PCSK5: variants seen among roughly 807,000 people sequenced by gnomAD.
PCSK5 encodes the protein prohormone convertase 5.
In PCSK5, 129 loss-of-function variants were observed where a neutral mutation model predicts 233.2. The ratio of observed to expected loss-of-function variants is 0.55; its 90% CI spans 0.48 to 0.64. The LOEUF (loss-of-function observed/expected upper bound fraction) is 0.64, where lower values mean the gene tolerates loss of function less well. Among genes scored for constraint, PCSK5 ranks in the 30% least tolerant of loss-of-function variants. The pLI, the probability that PCSK5 is intolerant of heterozygous loss-of-function variation, is 0.00. For missense variants in PCSK5, 2,076 were observed against 2,430.1 expected (o/e 0.85, Z 3.06); for synonymous variants, 825 against 879.2 (o/e 0.94, Z 1.09).
At chr9:76,130,685 G>A (rs922266945) in intron 9 of PCSK5, among the ~76,000 whole-genome samples, 4 of 152,088 alleles carry the variant, frequency 2.6e-5, no homozygotes, top group African/African-American at 4.8e-5. Flanking sequence ...CAGAACTCCC[G>A]AGAAAGTCAT....
rs529022052 is a variant in PCSK5, at chr9:75,991,442, G to A, written c.411+5197G>A. 2.6e-4 allele frequency among the ~76,000 whole-genome samples: 40 copies of A among 152,304 alleles called. No homozygotes were observed. In the East Asian group the frequency reaches 7.7e-3, roughly 29 times the overall value. On this transcript the variant is annotated intron_variant, in intron 3 of 37. Coordinates refer to ENST00000674117, the MANE Select transcript of PCSK5 (RefSeq NM_001372043.1). ...CCTCCCCAGTTATCAGATGGGGAAA[G>A]AAAGGCTTTTAAACTTATGGGGCAT...
chr9:76,168,912 G>A (rs554197051), intron 12 of PCSK5, among the ~76,000 whole-genome samples: 80 of 152,136 alleles, frequency 5.3e-4, no homozygotes, highest in Non-Finnish European at 3.5e-4. Context: ...GTTTCTTTAC[G>A]TATAATTTTG....
At chr9:75,953,325 G>A (rs1824948926) in intron 2 of PCSK5, among the ~76,000 whole-genome samples, 1 of 152,158 alleles carries the variant, frequency 6.6e-6, no homozygotes, top group African/African-American at 2.4e-5. Context: ...AGATAGGGAG[G>A]AGGGGAGGGC....
At chr9:76,226,119 A>G (rs952137326) in intron 20 of PCSK5, among the ~76,000 whole-genome samples, 3 of 152,202 alleles carry the variant, frequency 2.0e-5, no homozygotes, top group African/African-American at 7.2e-5. Context: ...GAGGAGACAT[A>G]GAGGAACAGA....
At chr9:75,910,115 A>G (rs1269197212) in intron 1 of PCSK5, among the ~76,000 whole-genome samples, 1 of 152,256 alleles carries the variant, frequency 6.6e-6, no homozygotes, top group Non-Finnish European at 1.5e-5. Flanking sequence ...ACTGAGACTC[A>G]TGGGATCAGT....
chr9:75,994,071 A>T (rs986634710), intron 3 of PCSK5, among the ~76,000 whole-genome samples: 2 of 152,202 alleles, frequency 1.3e-5, no homozygotes, highest in Non-Finnish European at 2.9e-5. Context: ...AACCTTGCAC[A>T]CAGGATTTTC....
chr9:76,342,441 C>T (rs1829860251), intron 35 of PCSK5, among the ~76,000 whole-genome samples: 1 of 152,044 alleles, frequency 6.6e-6, no homozygotes, highest in African/African-American at 2.4e-5. Flanking sequence ...GATATAGAAA[C>T]ACCAAGAATT....
intron 7 of PCSK5, among the ~76,000 whole-genome samples, chr9:76,093,582 T>TATATACAC (rs375899150): frequency 6.7e-6 from 1 of 149,846 alleles, no homozygotes; most frequent in African/African-American, 2.5e-5. Context: ...TATATATATA[T>TATATACAC]ACACACACAC....
At chr9:76,163,817 A>G (rs1822971628) in intron 12 of PCSK5, among the ~76,000 whole-genome samples, 1 of 148,412 alleles carries the variant, frequency 6.7e-6, no homozygotes. Flanking sequence ...ATCCCAGCAG[A>G]TTCTTTCTTC....
chr9:75,894,344 C>T (rs1825726184), intron 1 of PCSK5, among the ~76,000 whole-genome samples: 1 of 151,842 alleles, frequency 6.6e-6, no homozygotes, highest in African/African-American at 2.4e-5. Flanking sequence ...GATTTCTGGC[C>T]AGGGCATTTC....
At chr9:76,337,324 T>C (rs1021163325) in intron 34 of PCSK5, among the ~76,000 whole-genome samples, 1 of 150,808 alleles carries the variant, frequency 6.6e-6, no homozygotes, top group Non-Finnish European at 1.5e-5. Context: ...CTGGCTACTT[T>C]TGTTTGTTTG....
chr9:75,951,330 A>G (rs1160802806), intron 2 of PCSK5, among the ~76,000 whole-genome samples: 1 of 152,236 alleles, frequency 6.6e-6, no homozygotes, highest in African/African-American at 2.4e-5. Flanking sequence ...GTGGACCAGC[A>G]TCAGCCCCTG....
chr9:75,914,751 A>G (rs1564078655), intron 1 of PCSK5, among the ~76,000 whole-genome samples: 1 of 152,070 alleles, frequency 6.6e-6, no homozygotes, highest in Non-Finnish European at 1.5e-5. Context: ...CTTGCTAATA[A>G]TTTTTATATT....
chr9:75,896,517 G>A (rs1046138368), intron 1 of PCSK5, among the ~76,000 whole-genome samples: 2 of 152,188 alleles, frequency 1.3e-5, no homozygotes, highest in Admixed American at 6.5e-5. Flanking sequence ...GGATATTTTT[G>A]TTGTCGGTTC....
chr9:75,907,380 T>G (rs888386737), intron 1 of PCSK5, among the ~76,000 whole-genome samples: 4 of 152,178 alleles, frequency 2.6e-5, no homozygotes, highest in African/African-American at 9.6e-5. Context: ...TAGTCAAGAA[T>G]GAAATCAGTA....
chr9:76,217,250 T>C (rs572687662), intron 20 of PCSK5, among the ~76,000 whole-genome samples: 15 of 152,328 alleles, frequency 9.8e-5, no homozygotes, highest in African/African-American at 3.4e-4. Flanking sequence ...TTTATAAAGC[T>C]GAAGAGAGAT....
rs1105317 is a variant in PCSK5 at position 76,072,099 on chromosome 9, G to A, written c.894+201G>A. Among the ~76,000 whole-genome samples, 598 of 152,306 alleles carry A rather than the reference G, an allele frequency of 3.9e-3. 3 individuals carry two copies. The highest frequency in any genetic ancestry group is 0.014 in the African/African-American group (565 of 41,562). ...CTGCCAGTGAACTAAGAGCTAGAGA[G>A]TTTCTTCTGAAGAGAACAGAGGTAT... On this transcript the variant is annotated intron_variant, in intron 7 of 37. Transcript: ENST00000674117.
intron 5 of PCSK5, among the ~76,000 whole-genome samples, chr9:76,049,751 C>T (rs933797601): frequency 1.3e-5 from 2 of 152,196 alleles, no homozygotes; most frequent in African/African-American, 4.8e-5. Flanking sequence ...AAGGAAGCCT[C>T]CTATTTTCAG....
chr9:76,060,509 G>T (rs1320295575), intron 5 of PCSK5, among the ~76,000 whole-genome samples: 2 of 152,054 alleles, frequency 1.3e-5, no homozygotes, highest in South Asian at 2.1e-4. Flanking sequence ...GGGTGGGAAG[G>T]GTGGAAGAAA....
Sources: allele counts gnomAD v4.1 joint callset (sites outside exome capture counted in the v4.1 genomes callset), GRCh38; gene constraint gnomAD v4.1.1; transcripts MANE v1.5; gene names NCBI Gene and HGNC (gene_info 2026-07-23, HGNC 2026-07-21).